Variants in AGBL4 observed in about 807,000 individuals in gnomAD.
AGBL4 encodes cytosolic carboxypeptidase 6.
In AGBL4, 58 loss-of-function variants were observed where a neutral mutation model predicts 66.4. The ratio of observed to expected loss-of-function variants is 0.87; its 90% CI spans 0.71 to 1.09. The LOEUF (loss-of-function observed/expected upper bound fraction) is 1.09, where lower values mean the gene tolerates loss of function less well. Ranked by LOEUF, AGBL4 falls within the 50% of genes least tolerant of loss-of-function variation. The pLI is 0.00. For missense variants in AGBL4, 579 were observed against 631.0 expected, an observed-to-expected ratio of 0.92 and a Z score of 0.88; for synonymous variants, 234 against 222.9, an observed-to-expected ratio of 1.05 and a Z score of -0.44.
At chr1:49,760,312 T>C (rs1220284656) in intron 2 of AGBL4, among the ~76,000 whole-genome samples, 1 of 152,220 alleles carries the variant, frequency 6.6e-6, no homozygotes, top group Non-Finnish European at 1.5e-5. Flanking sequence ...AGATGCCATT[T>C]GTAAATTCTG....
chr1:49,874,731 C>A (rs75529264), intron 1 of AGBL4, among the ~76,000 whole-genome samples: 3,255 of 152,110 alleles, frequency 0.021, 128 homozygotes, highest in African/African-American at 0.074. Context: ...TGTATTGAAA[C>A]TCTGCTAGAA....
chr1:49,917,707 T>A (rs550191194), intron 1 of AGBL4, among the ~76,000 whole-genome samples: 1 of 152,228 alleles, frequency 6.6e-6, no homozygotes, highest in African/African-American at 2.4e-5. Context: ...TACTCAGGAA[T>A]TAAACTCAGC....
At chr1:49,086,822 A>G (rs1644916192) in intron 4 of AGBL4, among the ~76,000 whole-genome samples, 1 of 151,994 alleles carries the variant, frequency 6.6e-6, no homozygotes, top group South Asian at 2.1e-4. Flanking sequence ...GGGCTGACCC[A>G]GCAAAGATGC....
At chr1:49,493,217 T>G (rs1207579016) in intron 3 of AGBL4, among the ~76,000 whole-genome samples, 1 of 152,026 alleles carries the variant, frequency 6.6e-6, no homozygotes, top group Non-Finnish European at 1.5e-5. Flanking sequence ...AGTATCAGGC[T>G]TTATACTAAG....
chr1:48,744,460 T>G (rs1650415140), intron 6 of AGBL4, among the ~76,000 whole-genome samples: 2 of 152,154 alleles, frequency 1.3e-5, no homozygotes, highest in Admixed American at 1.3e-4. Flanking sequence ...CATAGCTGAG[T>G]TGGCGTGTGA....
chr1:48,576,280 A>G (rs1418701813), intron 11 of AGBL4, among the ~76,000 whole-genome samples: 1 of 152,214 alleles, frequency 6.6e-6, no homozygotes, highest in Non-Finnish European at 1.5e-5. Context: ...TTTTAAGAAT[A>G]TAACTGATGC....
chr1:48,796,794 A>G (rs1645685541), intron 6 of AGBL4, among the ~76,000 whole-genome samples: 2 of 152,186 alleles, frequency 1.3e-5, no homozygotes, highest in Admixed American at 1.3e-4. Flanking sequence ...TGGGTCCCAC[A>G]CTATGAATCC....
chr1:49,935,327 C>T lies in AGBL4; in HGVS notation c.35-83809G>A, dbSNP rs1047803158. Reference sequence around the variant, plus strand: ...GGCTTGCTTAGATAAACAAAGCAGCCGGGAAGCTCGAACTGGGTGGAGCCC... The same window carrying T: ...GGCTTGCTTAGATAAACAAAGCAGCTGGGAAGCTCGAACTGGGTGGAGCCC... On this transcript the variant is annotated intron_variant, in intron 1 of 13. Transcript: ENST00000371839. Among the ~76,000 whole-genome samples the T allele has an allele frequency of 2.6e-4, 39 of 152,316 alleles. 1 individual carries two copies. The highest frequency in any genetic ancestry group is 1.8e-3 in the Admixed American group (27 of 15,308).
chr1:49,911,949 T>A (rs1281465377), intron 1 of AGBL4, among the ~76,000 whole-genome samples: 1 of 152,178 alleles, frequency 6.6e-6, no homozygotes, highest in African/African-American at 2.4e-5. Context: ...GGACCTGTAT[T>A]TTACAGCCCA....
At chr1:48,889,812 G>A (rs970810660) in intron 5 of AGBL4, among the ~76,000 whole-genome samples, 1 of 152,196 alleles carries the variant, frequency 6.6e-6, no homozygotes, top group Admixed American at 6.5e-5. Flanking sequence ...GCAGGCAACT[G>A]TAACCAGAGG....
chr1:48,663,086 C>A, intron 7 of AGBL4, 66 bp downstream of exon 7: 1 of 1,477,910 alleles, frequency 6.8e-7, no homozygotes, highest in Non-Finnish European at 9.5e-7. Context: ...CCACACTGTT[C>A]CAGAGATCAT....
chr1:48,960,493 T>C (rs1403061796), intron 5 of AGBL4, among the ~76,000 whole-genome samples: 5 of 152,094 alleles, frequency 3.3e-5, no homozygotes, highest in African/African-American at 9.7e-5. Context: ...TGAGAGTGGA[T>C]GAAATCATCA....
Position 49,045,812 on chromosome 1 carries a change from A to C in AGBL4, c.378-12T>G. 6.5e-7 allele frequency: 1 copy of C among 1,545,358 alleles called. No homozygotes were observed. The highest frequency in any genetic ancestry group is 8.8e-7 in the Non-Finnish European group (1 of 1,142,840). ...GTGGCAGCCTTTGCCTAAAATATATAAACAAAGAAATTTGGGCATATGAGA... is the reference window on the plus strand; with the variant it reads ...GTGGCAGCCTTTGCCTAAAATATATCAACAAAGAAATTTGGGCATATGAGA... On this transcript the variant is annotated splice_polypyrimidine_tract_variant and intron_variant, in intron 4 of 13. Coordinates refer to ENST00000371839, the MANE Select transcript of AGBL4 (RefSeq NM_032785.4).
chr1:49,357,908 C>T (rs979928980), intron 3 of AGBL4, among the ~76,000 whole-genome samples: 1 of 152,158 alleles, frequency 6.6e-6, no homozygotes, highest in Non-Finnish European at 1.5e-5. Context: ...TGCTTCACTT[C>T]GTTCCTTGTC....
At chr1:49,553,176 T>C (rs892503915) in intron 3 of AGBL4, among the ~76,000 whole-genome samples, 3 of 152,240 alleles carry the variant, frequency 2.0e-5, no homozygotes, top group Non-Finnish European at 2.9e-5. Flanking sequence ...GGCCTGAGCC[T>C]GAGTGAAATT....
At chr1:48,867,302 G>A (rs896342547) in intron 5 of AGBL4, 72 bp from the exon 6 acceptor site, 87 of 1,470,342 alleles carry the variant, frequency 5.9e-5, no homozygotes, top group Middle Eastern at 3.4e-4. Context: ...AGGTCAGGGC[G>A]GACAAGCAAA....
chr1:49,331,558 A>G (rs774815085), intron 3 of AGBL4, among the ~76,000 whole-genome samples: 9 of 152,180 alleles, frequency 5.9e-5, no homozygotes, highest in Admixed American at 1.3e-4. Context: ...CTGCTTCTTT[A>G]AGCAAGACCC....
intron 1 of AGBL4, among the ~76,000 whole-genome samples, chr1:49,998,598 T>C (rs1660525935): frequency 6.6e-6 from 1 of 152,044 alleles, no homozygotes; most frequent in African/African-American, 2.4e-5. Flanking sequence ...AAAGCCAGTA[T>C]CACCCTAATA....
intron 6 of AGBL4, among the ~76,000 whole-genome samples, chr1:48,852,463 T>G (rs1304958095): frequency 6.6e-6 from 1 of 152,190 alleles, no homozygotes; most frequent in African/African-American, 2.4e-5. Flanking sequence ...GAACTCCTAA[T>G]GTATGTACTT....
Sources: allele counts gnomAD v4.1 joint callset (sites outside exome capture counted in the v4.1 genomes callset), GRCh38; gene constraint gnomAD v4.1.1; transcripts MANE v1.5; gene names NCBI Gene and HGNC (gene_info 2026-07-23, HGNC 2026-07-21).